Variants in NYAP2 observed in about 807,000 individuals in gnomAD.
NYAP2 encodes the protein neuronal tyrosine-phosphorylated phosphoinositide-3-kinase adapter 2.
A neutral mutation model predicts 50.4 loss-of-function variants in NYAP2; 23 were observed. That is an observed-to-expected ratio of 0.46 (90% CI 0.33 to 0.65). NYAP2 has a LOEUF of 0.65. NYAP2 is among the 30% of genes least tolerant of loss of function. NYAP2 has a pLI of 0.02. For missense variants in NYAP2, 885 were observed against 861.0 expected, an observed-to-expected ratio of 1.03 and a Z score of -0.35; for synonymous variants, 394 against 365.2, an observed-to-expected ratio of 1.08 and a Z score of -0.90.
At chr2:225,613,630 T>C (rs1416952155) in intron 5 of NYAP2, among the ~76,000 whole-genome samples, 1 of 152,198 alleles carries the variant, frequency 6.6e-6, no homozygotes, top group Non-Finnish European at 1.5e-5. Context: ...TAATACGTGG[T>C]AGCTCTAATA....
chr2:225,639,208 TCAAA>T (rs1368444843), intron 6 of NYAP2, among the ~76,000 whole-genome samples: 1 of 152,208 alleles, frequency 6.6e-6, no homozygotes, highest in Non-Finnish European at 1.5e-5. Context: ...TCCTGTATGT[TCAAA>T]CAAACAGTTA....
chr2:225,689,570 T>C, the NYAP2 span, among the ~76,000 whole-genome samples: 2 of 152,156 alleles, frequency 1.3e-5, no homozygotes, highest in Admixed American at 6.6e-5. Context: ...GTTCACATTT[T>C]TTCAATATGT....
rs78709037 is a variant in NYAP2 at position 225,411,122 on chromosome 2, G to C, written c.221+2021G>C. ...AGTCCTACTTGAGTATAGAGCAAAA[G>C]ACAGAAGTACATCCTTTTGTTGTGT... On this transcript the variant is annotated intron_variant, in intron 3 of 6. Transcript: ENST00000636099. 5.7e-3 allele frequency among the ~76,000 whole-genome samples: 863 copies of C among 152,262 alleles called. 2 individuals carry two copies. Among genetic ancestry groups the C allele is most frequent in the Non-Finnish European group, 9.0e-3 (609 of 68,014 alleles).
At chr2:225,401,801 A>G (rs577934944) in intron 2 of NYAP2, among the ~76,000 whole-genome samples, 65 of 152,146 alleles carry the variant, frequency 4.3e-4, no homozygotes, top group African/African-American at 1.5e-3. Context: ...TATCATTGGG[A>G]AATACTAAAG....
intron 4 of NYAP2, among the ~76,000 whole-genome samples, chr2:225,556,587 T>TG (rs1289638228): frequency 6.6e-6 from 1 of 152,186 alleles, no homozygotes; most frequent in Non-Finnish European, 1.5e-5. Context: ...TTAATTGTTT[T>TG]GACCATCTTG....
intron 5 of NYAP2, among the ~76,000 whole-genome samples, chr2:225,621,109 T>A (rs1693096765): frequency 1.1e-5 from 1 of 88,522 alleles, no homozygotes; most frequent in Admixed American, 1.2e-4. Context: ...CGAGACTCCG[T>A]CTCAAAAAAA....
At chr2:225,587,424 A>G (rs936704150) in intron 5 of NYAP2, among the ~76,000 whole-genome samples, 14 of 152,178 alleles carry the variant, frequency 9.2e-5, no homozygotes, top group African/African-American at 3.1e-4. Context: ...GCACTAAGAT[A>G]CAAAAGACAT....
At chr2:225,444,301 G>A (rs142147422) in intron 3 of NYAP2, among the ~76,000 whole-genome samples, 15 of 152,176 alleles carry the variant, frequency 9.9e-5, no homozygotes, top group South Asian at 2.1e-4. Flanking sequence ...GTAAAATTAC[G>A]TGCACTGATG....
chr2:225,401,721 A>G (rs901662049), intron 2 of NYAP2, among the ~76,000 whole-genome samples: 1 of 151,624 alleles, frequency 6.6e-6, no homozygotes, highest in Non-Finnish European at 1.5e-5. Flanking sequence ...CTACTCAGCA[A>G]TATTTTAAAT....
chr2:225,567,004 G>A (rs1227421928), intron 4 of NYAP2, among the ~76,000 whole-genome samples: 1 of 152,038 alleles, frequency 6.6e-6, no homozygotes, highest in Non-Finnish European at 1.5e-5. Flanking sequence ...TGTGTCATTA[G>A]GCAATTTCGT....
chr2:225,550,160 A>C (rs2106209227), intron 4 of NYAP2, among the ~76,000 whole-genome samples: 1 of 152,348 alleles, frequency 6.6e-6, no homozygotes. Flanking sequence ...GGAGGAAAAA[A>C]GTCATTAAGA....
intron 3 of NYAP2, among the ~76,000 whole-genome samples, chr2:225,487,471 T>C (rs1224095654): frequency 6.6e-6 from 1 of 152,168 alleles, no homozygotes; most frequent in African/African-American, 2.4e-5. Flanking sequence ...GCGATTCTCC[T>C]GCCTCAGCCT....
At chr2:225,638,712 A>G (rs539374657) in intron 6 of NYAP2, among the ~76,000 whole-genome samples, 1 of 152,328 alleles carries the variant, frequency 6.6e-6, no homozygotes, top group Non-Finnish European at 1.5e-5. Context: ...ACAGAGCTTC[A>G]GTGTCAAACA....
At position 225,626,914 on chromosome 2, in the gene NYAP2, C is replaced by A. The variant is rs1263103873; in HGVS notation, c.1619-3C>A. 6.4e-7 allele frequency: 1 copy of A among 1,563,828 alleles called. No individual in the cohort carries two copies. The highest frequency in any genetic ancestry group is 8.7e-7 in the Non-Finnish European group (1 of 1,153,204). ...ACAGAATGTAATTCTGGTTACTACA[C>A]AGAATCAACAGAGGAACTGAAAGTC... is the stretch of plus-strand genomic sequence containing the variant. On this transcript the variant is annotated splice_polypyrimidine_tract_variant and splice_region_variant and intron_variant, in intron 5 of 6. Transcript: ENST00000636099.
intron 4 of NYAP2, among the ~76,000 whole-genome samples, chr2:225,573,892 A>G (rs1451982591): frequency 6.6e-6 from 1 of 152,178 alleles, no homozygotes; most frequent in African/African-American, 2.4e-5. Flanking sequence ...GCAAGTCACA[A>G]GGTCAGCTCT....
chr2:225,404,958 G>A (rs764106816), intron 2 of NYAP2, among the ~76,000 whole-genome samples: 1 of 151,964 alleles, frequency 6.6e-6, no homozygotes, highest in Non-Finnish European at 1.5e-5. Context: ...AATTTTAAAT[G>A]TTGGCCACAA....
At chr2:225,688,553 A>C in the NYAP2 span, among the ~76,000 whole-genome samples, 3 of 152,194 alleles carry the variant, frequency 2.0e-5, no homozygotes, top group South Asian at 6.2e-4. Context: ...TCCACTTTTC[A>C]GTAGATACCA....
At chr2:225,625,751 T>TAAAG (rs1289000856) in intron 5 of NYAP2, among the ~76,000 whole-genome samples, 4 of 152,110 alleles carry the variant, frequency 2.6e-5, no homozygotes, top group Admixed American at 2.6e-4. Context: ...CCGATGATAT[T>TAAAG]AAAGAGCTTA....
chr2:225,487,180 G>A (rs562113686), intron 3 of NYAP2, among the ~76,000 whole-genome samples: 5 of 152,254 alleles, frequency 3.3e-5, no homozygotes, highest in East Asian at 1.9e-4. Flanking sequence ...GTCAGTAAAT[G>A]CTGGCCTGGC....
Sources: allele counts gnomAD v4.1 joint callset (sites outside exome capture counted in the v4.1 genomes callset), GRCh38; gene constraint gnomAD v4.1.1; transcripts MANE v1.5; gene names NCBI Gene and HGNC (gene_info 2026-07-23, HGNC 2026-07-21).